Variants in SLC4A2 observed in about 807,000 individuals in gnomAD.
SLC4A2 encodes anion exchange protein 2.
Under a neutral mutation model 115.0 loss-of-function variants are expected in SLC4A2, and 36 were observed. The ratio of observed to expected loss-of-function variants is 0.31; its 90% confidence interval spans 0.24 to 0.41. The LOEUF is 0.41. Among genes scored for constraint, SLC4A2 ranks in the 10% least tolerant of loss-of-function variants. The pLI, the probability that SLC4A2 is intolerant of heterozygous loss-of-function variation, is 1.00. For missense variants in SLC4A2, 1,252 were observed against 1,705.6 expected (o/e 0.73, Z 4.68); for synonymous variants, 708 against 708.3 (o/e 1.00, Z 0.01).
rs367608919 is a variant in SLC4A2, at chr7:151,074,336, G to T, written c.2790+43G>T. ...CCAAGAGGGGGTTAGGGGCAGGAAG[G>T]GGGGTGGCAGGAAGTCAGCGGCTGT... is the stretch of plus-strand genomic sequence containing the variant. On this transcript the variant is annotated intron_variant, in intron 17 of 22. Transcript: ENST00000413384. The T allele has an allele frequency of 7.5e-6, 12 of 1,610,454 alleles. No individual in the cohort carries two copies. The Admixed American group carries it at 8.3e-5, about 11-fold the overall frequency.
At chr7:151,073,426 A>G (rs1797508360) in intron 16 of SLC4A2, among the ~76,000 whole-genome samples, 2 of 151,920 alleles carry the variant, frequency 1.3e-5, no homozygotes, top group Non-Finnish European at 2.9e-5. Flanking sequence ...AGCTGGAATT[A>G]CAGGTGCCCA....
At chr7:151,063,443 G>A (rs1417586954) in intron 2 of SLC4A2, among the ~76,000 whole-genome samples, 2 of 152,144 alleles carry the variant, frequency 1.3e-5, no homozygotes, top group Non-Finnish European at 2.9e-5. Flanking sequence ...TGAACTTCCC[G>A]GTTCACACGC....
chr7:151,070,037 C>T lies in SLC4A2; in HGVS notation c.1238C>T (p.Ala413Val). 1.2e-6 allele frequency: 2 copies of T among 1,614,152 alleles called. No homozygotes were observed. Among genetic ancestry groups the T allele is most frequent in the Non-Finnish European group, 1.7e-6 (2 of 1,180,028 alleles). Residue 413 changes from alanine (A) to valine (V), a missense_variant, in exon 9 of 23, where the codon GCC becomes GTC. Ala to Val is a moderately conservative substitution (Grantham distance 64). Transcript: ENST00000413384. ...EQMVISDQIKAEDRANVLRAL... is the reference protein window; with the variant it reads ...EQMVISDQIKVEDRANVLRAL... ...ATGGTCATCTCTGACCAGATCAAGG[C>T]CGAGGACAGGGCCAACGTGCTGCGG...
In SLC4A2 at chr7:151,070,920, C is replaced by CCCT. The variant is rs1563356179; in HGVS notation, c.1749+17_1749+19dup. The CCCT allele has an allele frequency of 6.2e-7, 1 of 1,611,406 alleles. No homozygotes were observed. The highest frequency in any genetic ancestry group is 1.3e-5 in the African/African-American group (1 of 75,032). Reference sequence around the variant, plus strand: ...CCCTCATGTCAGACAAGGTCAGCTACCCTCCTCCTCTGGGCCCTGCTTCCT... The same window carrying CCCT: ...CCCTCATGTCAGACAAGGTCAGCTACCCTCCTCCTCCTCTGGGCCCTGCTTCCT... On this transcript the variant is annotated intron_variant, in intron 12 of 22. Coordinates refer to ENST00000413384, the MANE Select transcript of SLC4A2 (RefSeq NM_003040.4).
chr7:151,059,313 TTA>T (rs1027326575), upstream of SLC4A2: 2 of 152,138 alleles, frequency 1.3e-5, no homozygotes, highest in Non-Finnish European at 2.9e-5. This position sits in a 1 kb window ranked among gnomAD's most constrained non-coding sequence, Gnocchi z 5.8. Context: ...CCCGATACGT[TTA>T]TGTTTCGACT....
chr7:151,074,776 G>T lies in SLC4A2; in HGVS notation c.2982G>T (p.Met994Ile), dbSNP rs747130370. ...AGAGCCCCTTCCCTGTGTGGATGAT[G>T]GTTGCCAGCCTGCTGCCCGCCATCC... The part of the protein sequence containing the change: ...GEKSPFPVWM[M>I]VASLLPAILV... Residue 994 changes from methionine to isoleucine, a missense_variant, in exon 19 of 23, where the codon ATG becomes ATT. Met to Ile is a conservative substitution (Grantham distance 10). Coordinates refer to ENST00000413384, the MANE Select transcript of SLC4A2 (RefSeq NM_003040.4). The T allele has an allele frequency of 6.2e-7, 1 of 1,613,884 alleles. No individual in the cohort carries two copies. Among genetic ancestry groups the T allele is most frequent in the South Asian group, 1.1e-5 (1 of 91,066 alleles).
Position 151,075,486 on chromosome 7 carries a change from G to A in SLC4A2, c.3279G>A (p.Gly1093=), listed in dbSNP as rs1167599900. ...AAGTCAAGGAGCAGCGGGTGACGGG[G>A]CTGCTGGTTGCCCTGCTTGTGGGTA... The part of the protein sequence containing the change: ...IQEVKEQRVT[G]LLVALLVGLS... The change falls in exon 20 of 23, where the codon GGG becomes GGA. Residue 1093 remains glycine, a synonymous_variant. Transcript: ENST00000413384. 2.5e-6 allele frequency: 4 copies of A among 1,600,212 alleles called. No individual in the cohort carries two copies. Among genetic ancestry groups the A allele is most frequent in the Non-Finnish European group, 3.4e-6 (4 of 1,179,570 alleles).
chr7:151,069,893 T>G, intron 8 of SLC4A2, 54 bp from the exon 9 acceptor site: 1 of 1,610,408 alleles, frequency 6.2e-7, no homozygotes, highest in Non-Finnish European at 8.5e-7. Flanking sequence ...TCCCATCTCC[T>G]GCCACTGTTT....
intron 2 of SLC4A2, chr7:151,063,036 G>C (rs1305363876): frequency 2.0e-6 from 3 of 1,468,394 alleles, no homozygotes; most frequent in African/African-American, 2.9e-5. Flanking sequence ...AATATTTGGC[G>C]GCGCCTGGAG....
rs542051346 is a variant in SLC4A2 at position 151,064,342 on chromosome 7, C to T, written c.192C>T (p.Arg64=). The part of the protein sequence containing the change: ...AGSRGGEEPG[R]SYGEEDFEYH... ...CTCGTGGAGGGGAGGAGCCAGGCCG[C>T]AGCTATGGGGAGGAAGACTTTGAGT... The change falls in exon 3 of 23, where the codon CGC becomes CGT. Residue 64 remains arginine, a synonymous_variant. Transcript: ENST00000413384. 1.3e-6 allele frequency: 2 copies of T among 1,588,358 alleles called. No individual in the cohort carries two copies. The highest frequency in any genetic ancestry group is 1.7e-6 in the Non-Finnish European group (2 of 1,169,064).
chr7:151,067,566 A>G (rs1187785505), intron 7 of SLC4A2, among the ~76,000 whole-genome samples: 1 of 152,242 alleles, frequency 6.6e-6, no homozygotes, highest in African/African-American at 2.4e-5. Flanking sequence ...GCTTTCATAT[A>G]CAGTGGCCAT....
chr7:151,070,387 TGAGGAAGCCTGG>T, intron 10 of SLC4A2, 41 bp downstream of exon 10: 1 of 1,610,540 alleles, frequency 6.2e-7, no homozygotes, highest in East Asian at 2.2e-5. Flanking sequence ...GCGGCAGGGC[TGAGGAAGCCTGG>T]GTGTGGACTC....
At chr7:151,064,064 A>C (rs1433022845) in intron 2 of SLC4A2, 138 bp from the exon 3 acceptor site, 3 of 776,294 alleles carry the variant, frequency 3.9e-6, no homozygotes, top group Non-Finnish European at 4.1e-6. Flanking sequence ...TGCTGGGGGC[A>C]TATAGAGCCA....
chr7:151,075,138 C>T, intron 19 of SLC4A2, 117 bp from the exon 20 acceptor site: 1 of 1,363,402 alleles, frequency 7.3e-7, no homozygotes, highest in Non-Finnish European at 1.0e-6. Context: ...ACGGAATGGA[C>T]AGGGACCGCC....
rs777192711 is a variant in SLC4A2, at chr7:151,071,323, G to A, written c.1975+26G>A. The A allele has an allele frequency of 1.3e-6, 2 of 1,543,852 alleles. No homozygotes were observed. Among genetic ancestry groups the A allele is most frequent in the East Asian group, 4.8e-5 (2 of 41,304 alleles). ...GTACGGCCAGGGCGGGCTGGGGCCA[G>A]GGCTGCCTCGAGGGGGTGAGGTGGG... On this transcript the variant is annotated intron_variant, in intron 13 of 22. Transcript: ENST00000413384. The surrounding 1 kb of genome is among the most constrained non-coding windows in gnomAD (Gnocchi z 5.5).
At position 151,071,048 on chromosome 7, in the gene SLC4A2, C is replaced by T. The variant is rs1214502322; in HGVS notation, c.1750-24C>T. ...CTCAGCCCTCTTCTTTGTGCTCTCC[C>T]CCATCCCCATGCTGCTTTGGCAGCA... On this transcript the variant is annotated intron_variant, in intron 12 of 22. Coordinates refer to ENST00000413384, the MANE Select transcript of SLC4A2 (RefSeq NM_003040.4). This position sits in a 1 kb window ranked among gnomAD's most constrained non-coding sequence, Gnocchi z 5.5. 3 of 1,611,456 alleles carry T rather than the reference C, an allele frequency of 1.9e-6. No individual in the cohort carries two copies. Among genetic ancestry groups the T allele is most frequent in the East Asian group, 2.2e-5 (1 of 44,858 alleles).
At chr7:151,074,974 G>A (rs534876778) in intron 19 of SLC4A2, 133 bp downstream of exon 19, 14 of 981,630 alleles carry the variant, frequency 1.4e-5, no homozygotes, top group African/African-American at 1.3e-4. Context: ...GATGGCCACA[G>A]TTTATTCTGT....
At position 151,074,257 on chromosome 7, in the gene SLC4A2, G is replaced by A; in HGVS notation, c.2754G>A (p.Leu918=). ...MAGTFFIAFF[L]RKFKNSRFFP... ...GCACCTTCTTCATCGCCTTCTTCCT[G>A]CGCAAATTCAAGAACAGCCGGTTCT... Residue 918 remains leucine, a synonymous_variant, in exon 17 of 23, where the codon CTG becomes CTA. Coordinates refer to ENST00000413384, the MANE Select transcript of SLC4A2 (RefSeq NM_003040.4). 4 of 1,611,808 alleles carry A rather than the reference G, an allele frequency of 2.5e-6. No homozygotes were observed. The highest frequency in any genetic ancestry group is 3.4e-6 in the Non-Finnish European group (4 of 1,179,708).
intron 5 of SLC4A2, among the ~76,000 whole-genome samples, chr7:151,065,802 G>A (rs28642843): frequency 0.036 from 5,454 of 152,264 alleles, 348 homozygotes; most frequent in African/African-American, 0.12. Context: ...GCCAGGGCAC[G>A]TGGGGGCTAG....
Sources: gnomAD v4.1 joint callset for allele counts (sites outside exome capture counted in the v4.1 genomes callset) on GRCh38, gnomAD v4.1.1 for gene constraint, Gnocchi (gnomAD v3.1) non-coding constraint, MANE v1.5 for transcripts, NCBI Gene and HGNC (gene_info 2026-07-23, HGNC 2026-07-21) for gene names.